Variants in VWF observed in about 807,000 individuals in gnomAD.
VWF encodes the protein Factor VIII related antigen.
A neutral mutation model predicts 308.6 loss-of-function variants in VWF; 176 were observed. That is an observed-to-expected ratio of 0.57 (90% CI 0.50 to 0.65). VWF has a LOEUF of 0.65. Ranked by LOEUF, VWF falls within the 30% of genes least tolerant of loss-of-function variation. The pLI is 0.00. For missense variants in VWF, 3,146 were observed against 3,648.2 expected, an observed-to-expected ratio of 0.86 and a Z score of 3.55; for synonymous variants, 1,385 against 1,443.4, an observed-to-expected ratio of 0.96 and a Z score of 0.92.
intron 6 of VWF, among the ~76,000 whole-genome samples, chr12:6,083,624 G>A (rs1200637338): frequency 6.6e-6 from 1 of 152,198 alleles, no homozygotes; most frequent in African/African-American, 2.4e-5. Context: ...TTCCCTACCT[G>A]TGAAAGAGGG....
intron 35 of VWF, among the ~76,000 whole-genome samples, chr12:5,995,211 T>G (rs1234624763): frequency 6.6e-6 from 1 of 152,214 alleles, no homozygotes; most frequent in Non-Finnish European, 1.5e-5. Context: ...TGTGTATGTG[T>G]GCCACTAGAC....
intron 6 of VWF, among the ~76,000 whole-genome samples, chr12:6,092,346 T>G (rs1004738376): frequency 5.3e-5 from 8 of 149,848 alleles, no homozygotes; most frequent in Admixed American, 1.3e-4. Flanking sequence ...TTTTGCGGGT[T>G]TTTTTTTTTC....
In VWF at chr12:5,977,865, A is replaced by C. The variant is rs572626362; in HGVS notation, c.7288-1605T>G. On this transcript the variant is annotated intron_variant, in intron 42 of 51. Coordinates refer to ENST00000261405, the MANE Select transcript of VWF (RefSeq NM_000552.5). ...TGCCTGGGTGACAGAGCAAGACCCT[A>C]TCTCTCTCTCTATATATATATATTA... Among the ~76,000 whole-genome samples the C allele has an allele frequency of 6.4e-4, 95 of 148,092 alleles. 1 individual carries two copies. The South Asian group carries it at 0.02, about 31-fold the overall frequency.
intron 34 of VWF, among the ~76,000 whole-genome samples, chr12:6,004,159 AC>A (rs1943903119): frequency 6.6e-6 from 1 of 152,142 alleles, no homozygotes; most frequent in Non-Finnish European, 1.5e-5. Flanking sequence ...AAAATTGCTG[AC>A]CAAAAATACT....
At chr12:6,115,405 A>C (rs1364978749) in intron 3 of VWF, among the ~76,000 whole-genome samples, 4 of 152,180 alleles carry the variant, frequency 2.6e-5, no homozygotes, top group African/African-American at 9.7e-5. Context: ...TGGCAGCAGG[A>C]AGAATCTAAA....
chr12:5,959,962 T>TA (rs1449862952), intron 47 of VWF, among the ~76,000 whole-genome samples: 4 of 148,538 alleles, frequency 2.7e-5, no homozygotes, highest in African/African-American at 7.4e-5. Flanking sequence ...CAAGACATAA[T>TA]AAAAATAAGG....
At chr12:6,045,049 C>T (rs1944434156) in intron 17 of VWF, among the ~76,000 whole-genome samples, 1 of 152,212 alleles carries the variant, frequency 6.6e-6, no homozygotes, top group African/African-American at 2.4e-5. Flanking sequence ...ATATACTACA[C>T]ATCTCACTTA....
chr12:5,991,185 ACACACACACACACACACACACG>A (rs1943737714), intron 38 of VWF, among the ~76,000 whole-genome samples: 1 of 134,628 alleles, frequency 7.4e-6, no homozygotes, highest in African/African-American at 2.6e-5. Context: ...ACACACACAC[ACACACACACACACACACACACG>A]CATGCACACA....
At chr12:6,050,460 C>G (rs937927279) in intron 16 of VWF, among the ~76,000 whole-genome samples, 4 of 152,340 alleles carry the variant, frequency 2.6e-5, no homozygotes, top group African/African-American at 7.2e-5. Context: ...TATTTGCTCC[C>G]TGCTAAGAAC....
intron 9 of VWF, 150 bp from the exon 10 acceptor site, chr12:6,071,493 T>A: frequency 1.1e-6 from 1 of 886,918 alleles, no homozygotes; most frequent in Non-Finnish European, 1.8e-6. Flanking sequence ...TTCATAGGGT[T>A]AAAATTGTAC....
At chr12:6,091,436 T>A (rs7964013) in intron 6 of VWF, among the ~76,000 whole-genome samples, 17,926 of 152,200 alleles carry the variant, frequency 0.12, 1,558 homozygotes, top group African/African-American at 0.24. Flanking sequence ...AATCCCTAGA[T>A]AAATTACACC....
chr12:6,115,259 G>T (rs1421867672), intron 3 of VWF, among the ~76,000 whole-genome samples: 1 of 152,092 alleles, frequency 6.6e-6, no homozygotes, highest in Non-Finnish European at 1.5e-5. Flanking sequence ...GGCTGGCATC[G>T]AACTCCTGGG....
chr12:6,019,790 G>C lies in VWF; in HGVS notation c.3675-47C>G. On this transcript the variant is annotated intron_variant, in intron 27 of 51. Transcript: ENST00000261405. The surrounding 1 kb of genome is among the most constrained non-coding windows in gnomAD (Gnocchi z 5.8). Reference sequence around the variant, plus strand: ...TTAAAATGGTTCAGGAAGAACCTGTGGACACTTCTGAGCCCTACAGTGTAC... The same window carrying C: ...TTAAAATGGTTCAGGAAGAACCTGTCGACACTTCTGAGCCCTACAGTGTAC... The C allele has an allele frequency of 6.4e-7, 1 of 1,555,976 alleles. No homozygotes were observed. Among genetic ancestry groups the C allele is most frequent in the Non-Finnish European group, 8.7e-7 (1 of 1,149,130 alleles).
At chr12:5,959,793 C>T (rs1244301448) in intron 47 of VWF, among the ~76,000 whole-genome samples, 3 of 151,318 alleles carry the variant, frequency 2.0e-5, no homozygotes, top group Admixed American at 1.3e-4. Flanking sequence ...TTTTAACTAG[C>T]GGTAATAAAA....
rs778307082 is a variant in VWF at position 6,065,086 on chromosome 12, T to C, written c.1293+51A>G. The C allele has an allele frequency of 8.1e-6, 13 of 1,613,060 alleles. No homozygotes were observed. The African/African-American group carries it at 1.7e-4, about 22-fold the overall frequency. On this transcript the variant is annotated intron_variant, in intron 11 of 51. Transcript: ENST00000261405. ...GACTGCCCATTCAGCCTAGCAGCTA[T>C]GCAGCACCTTGGGCTACCACCCGAC...
At chr12:6,061,644 G>A (rs1356265461) in intron 13 of VWF, among the ~76,000 whole-genome samples, 3 of 152,146 alleles carry the variant, frequency 2.0e-5, no homozygotes, top group Non-Finnish European at 4.4e-5. Context: ...AGGACCCCAG[G>A]AGGCAGGAGG....
At chr12:5,987,441 C>T (rs1169340981) in intron 38 of VWF, among the ~76,000 whole-genome samples, 3 of 152,194 alleles carry the variant, frequency 2.0e-5, no homozygotes, top group African/African-American at 4.8e-5. Context: ...ATCCAGGCTT[C>T]GAACTTAGCA....
chr12:6,049,136 C>G (rs142974199), intron 16 of VWF, among the ~76,000 whole-genome samples: 55 of 152,322 alleles, frequency 3.6e-4, no homozygotes, highest in African/African-American at 1.2e-3. Context: ...CACCTTTTCA[C>G]GACCACCACT....
intron 34 of VWF, among the ~76,000 whole-genome samples, chr12:5,997,021 A>G (rs1322580683): frequency 6.6e-6 from 1 of 152,192 alleles, no homozygotes; most frequent in Admixed American, 6.5e-5. Context: ...GCAGGTGAAT[A>G]CATGCCCAAG....
Sources: gnomAD v4.1 joint callset for allele counts (sites outside exome capture counted in the v4.1 genomes callset) on GRCh38, gnomAD v4.1.1 for gene constraint, Gnocchi (gnomAD v3.1) non-coding constraint, MANE v1.5 for transcripts, NCBI Gene and HGNC (gene_info 2026-07-23, HGNC 2026-07-21) for gene names.